ABCC8: variants seen among roughly 807,000 people sequenced by gnomAD.
ABCC8 encodes the protein ATP binding cassette subfamily C member 8.
In ABCC8, 137 loss-of-function variants were observed where a neutral mutation model predicts 188.0. The observed-to-expected ratio is 0.73, with a 90% CI of 0.63 to 0.84. ABCC8 has a LOEUF of 0.84. ABCC8 is among the 40% of genes least tolerant of loss of function. The pLI is 0.00. For synonymous variants in ABCC8, 797 were observed against 846.5 expected (o/e 0.94, Z 1.01); for missense variants, 1,750 against 2,072.7 (o/e 0.84, Z 3.02).
intron 33 of ABCC8, 129 bp downstream of exon 33, chr11:17,396,787 G>C (rs751252770): frequency 8.4e-5 from 101 of 1,197,308 alleles, no homozygotes; most frequent in Middle Eastern, 7.9e-4. Flanking sequence ...AGGAGACTGC[G>C]ATGTCTGAAT....
chr11:17,469,599 C>T (rs1484967903), intron 3 of ABCC8, among the ~76,000 whole-genome samples: 1 of 152,108 alleles, frequency 6.6e-6, no homozygotes, highest in East Asian at 1.9e-4. Context: ...TGCCACAGTT[C>T]ACCCAGGCTC....
chr11:17,416,789 C>A lies in ABCC8; in HGVS notation c.2255+141G>T. 2 of 1,310,300 alleles carry A rather than the reference C, an allele frequency of 1.5e-6. 1 individual carries two copies. Among genetic ancestry groups the A allele is most frequent in the South Asian group, 2.5e-5 (2 of 78,542 alleles). 81.2% of individuals were successfully genotyped at this position (1,310,300 alleles called of 1,614,324 possible). A position where few individuals can be genotyped will look rare whatever the true frequency, so the allele number is the denominator to read the frequency against. ...ATTTTGCCCTCATTGAGAATGCAGG[C>A]CTTAGCCCCATGTCTCTGAAAATAT... On this transcript the variant is annotated intron_variant, in intron 17 of 38. Transcript: ENST00000389817.
At chr11:17,413,073 G>T in intron 20 of ABCC8, 1 of 603,690 alleles carries the variant, frequency 1.7e-6, no homozygotes, top group South Asian at 2.0e-5. Flanking sequence ...GCTTGTGGAG[G>T]GGACCCCATC....
chr11:17,420,317 G>A (rs1432720304), intron 16 of ABCC8, among the ~76,000 whole-genome samples: 1 of 152,198 alleles, frequency 6.6e-6, no homozygotes, highest in African/African-American at 2.4e-5. Flanking sequence ...CAGACAGTGA[G>A]TCTGTCTCAG....
In ABCC8 at chr11:17,448,550, A is replaced by T; in HGVS notation, c.1298T>A (p.Phe433Tyr). The change falls in exon 8 of 39, where the codon TTC (phenylalanine) becomes TAC (tyrosine). Residue 433 changes from phenylalanine (F) to tyrosine (Y), a missense_variant. Coordinates refer to ENST00000389817, the MANE Select transcript of ABCC8 (RefSeq NM_000352.6). ...IDTNQLMWFFFLCPNLWAMPV... is the reference protein window; with the variant it reads ...IDTNQLMWFFYLCPNLWAMPV... ...CATAGCCCAGAGGTTTGGGCACAAG[A>T]AGAAAAACCACATGAGCTGATTGGT... The T allele has an allele frequency of 6.2e-7, 1 of 1,614,136 alleles. No homozygotes were observed. Among genetic ancestry groups the T allele is most frequent in the Non-Finnish European group, 8.5e-7 (1 of 1,180,008 alleles).
intron 3 of ABCC8, 144 bp from the exon 4 acceptor site, chr11:17,463,748 G>A: frequency 9.7e-7 from 1 of 1,033,754 alleles, no homozygotes; most frequent in South Asian, 1.5e-5. Context: ...ATGTGCACGT[G>A]TGAATATATC....
chr11:17,461,467 G>C, intron 5 of ABCC8, 116 bp downstream of exon 5: 1 of 1,364,978 alleles, frequency 7.3e-7, no homozygotes, highest in Non-Finnish European at 1.0e-6. Context: ...CCCCTCACCA[G>C]CCTCAGTTTC....
chr11:17,402,684 T>C lies in ABCC8; in HGVS notation c.3627A>G (p.Gly1209=), dbSNP rs2133430260. The change falls in exon 29 of 39, where the codon GGA becomes GGG. Residue 1209 remains glycine (G), a synonymous_variant. Coordinates refer to ENST00000389817, the MANE Select transcript of ABCC8 (RefSeq NM_000352.6). Reference sequence around the variant, plus strand: ...ACCTGAAGGCCCGGATGGTGGTGAGTCCTTCTACGGTTTCGGCAAAGTGTG... The same window carrying C: ...ACCTGAAGGCCCGGATGGTGGTGAGCCCTTCTACGGTTTCGGCAAAGTGTG... ...LLSHFAETVE[G]LTTIRAFRYE... is the part of the protein sequence containing the mutation. 1 of 1,614,150 alleles carries C rather than the reference T, an allele frequency of 6.2e-7. No homozygotes were observed. The highest frequency in any genetic ancestry group is 8.5e-7 in the Non-Finnish European group (1 of 1,180,030).
intron 35 of ABCC8, 165 bp downstream of exon 35, chr11:17,395,445 G>GA (rs1953865574): frequency 6.8e-7 from 1 of 1,473,550 alleles, no homozygotes; most frequent in Non-Finnish European, 9.1e-7. Flanking sequence ...ATGGGTGGGG[G>GA]ATCCCCTTCC....
At chr11:17,444,629 C>T (rs532556766) in intron 8 of ABCC8, among the ~76,000 whole-genome samples, 1 of 152,284 alleles carries the variant, frequency 6.6e-6, no homozygotes, top group Admixed American at 6.5e-5. Flanking sequence ...TCTGAATGGC[C>T]CTCATGCAGA....
In ABCC8 at chr11:17,421,324, A is replaced by G. The variant is rs147079422; in HGVS notation, c.2223-4362T>C. Among the ~76,000 whole-genome samples the G allele has an allele frequency of 5.0e-4, 76 of 152,320 alleles. 1 individual carries two copies. In the East Asian group the frequency reaches 0.014, roughly 28 times the overall value. On this transcript the variant is annotated intron_variant, in intron 16 of 38. Coordinates refer to ENST00000389817, the MANE Select transcript of ABCC8 (RefSeq NM_000352.6). ...CACTAACGGTATTTGCTCATTCCAA[A>G]TATTGATGGAGAAGAGGGGTAGTGA...
chr11:17,439,721 G>A (rs537825475), intron 10 of ABCC8, among the ~76,000 whole-genome samples: 70 of 152,152 alleles, frequency 4.6e-4, no homozygotes, highest in African/African-American at 1.6e-3. Context: ...CCCCTCCTCC[G>A]CTGCTCTCTT....
chr11:17,447,048 A>C (rs1956562326), intron 8 of ABCC8, among the ~76,000 whole-genome samples: 1 of 152,008 alleles, frequency 6.6e-6, no homozygotes, highest in Admixed American at 6.6e-5. Context: ...TGCCATAGCA[A>C]CTCCAGAGGG....
chr11:17,403,071 G>C (rs1351412372), intron 28 of ABCC8, among the ~76,000 whole-genome samples: 1 of 152,220 alleles, frequency 6.6e-6, no homozygotes, highest in African/African-American at 2.4e-5. Flanking sequence ...AGCTAAGGCT[G>C]GGCAGGCAGT....
intron 16 of ABCC8, among the ~76,000 whole-genome samples, chr11:17,419,852 C>T (rs1375253580): frequency 6.6e-6 from 1 of 152,150 alleles, no homozygotes; most frequent in Non-Finnish European, 1.5e-5. Context: ...GGCTTTTCCA[C>T]TCATTGGCTG....
intron 10 of ABCC8, among the ~76,000 whole-genome samples, chr11:17,440,888 G>A (rs1474484589): frequency 6.6e-6 from 1 of 152,136 alleles, no homozygotes; most frequent in Non-Finnish European, 1.5e-5. Context: ...TTGGGGAGTG[G>A]GACAGCTTGG....
At position 17,406,887 on chromosome 11, in the gene ABCC8, C is replaced by T. The variant is rs1954558890; in HGVS notation, c.3162+1G>A. The stretch of plus-strand genomic sequence containing the variant: ...CCTCTGCCATGGGCCGCCAGTCACA[C>T]CTGGCTGAGGGAGCAGTTCCTGGCT... On this transcript the variant is annotated splice_donor_variant, in intron 25 of 38. Transcript: ENST00000389817. LOFTEE classifies it high-confidence loss of function. The T allele has an allele frequency of 6.2e-7, 1 of 1,614,134 alleles. No homozygotes were observed. Among genetic ancestry groups the T allele is most frequent in the Non-Finnish European group, 8.5e-7 (1 of 1,180,044 alleles).
At chr11:17,408,629 A>T in intron 22 of ABCC8, 112 bp from the exon 23 acceptor site, 1 of 1,485,236 alleles carries the variant, frequency 6.7e-7, no homozygotes. Context: ...TCCTCACTAC[A>T]AATGGCCACC....
intron 6 of ABCC8, among the ~76,000 whole-genome samples, chr11:17,453,710 C>G (rs2133644222): frequency 6.6e-6 from 1 of 152,146 alleles, no homozygotes; most frequent in African/African-American, 2.4e-5. Context: ...CCGAACTTAC[C>G]AACAGCCTGT....
Sources: gnomAD v4.1 joint callset for allele counts (sites outside exome capture counted in the v4.1 genomes callset) on GRCh38, gnomAD v4.1.1 for gene constraint, MANE v1.5 for transcripts, NCBI Gene and HGNC (gene_info 2026-07-23, HGNC 2026-07-21) for gene names.